Variants in GRM8 observed in about 807,000 individuals in gnomAD.
GRM8 encodes metabotropic glutamate receptor 8.
GRM8 carries 47 observed loss-of-function variants against 87.2 expected under a neutral mutation model. That is an observed-to-expected ratio of 0.54 (90% CI 0.43 to 0.69). The LOEUF is 0.69. Among genes scored for constraint, GRM8 ranks in the 30% least tolerant of loss-of-function variants. The pLI is 0.00. For synonymous variants in GRM8, 396 were observed against 404.5 expected (o/e 0.98, Z 0.25); for missense variants, 1,019 against 1,139.2 (o/e 0.89, Z 1.52).
At chr7:127,209,125 G>T (rs946137623) in intron 2 of GRM8, among the ~76,000 whole-genome samples, 2 of 152,136 alleles carry the variant, frequency 1.3e-5, no homozygotes, top group Admixed American at 6.6e-5. Flanking sequence ...TATAGTTCAG[G>T]TTTCTCCCTT....
intron 3 of GRM8, among the ~76,000 whole-genome samples, chr7:126,934,581 A>T (rs1806096557): frequency 6.6e-6 from 1 of 152,204 alleles, no homozygotes; most frequent in Admixed American, 6.5e-5. Flanking sequence ...ACCTGTAGTT[A>T]GGGTCAAAAG....
chr7:126,469,399 T>C (rs956832107), intron 9 of GRM8, among the ~76,000 whole-genome samples: 6 of 151,848 alleles, frequency 4.0e-5, no homozygotes, highest in East Asian at 1.9e-4. Flanking sequence ...AACCCCCATG[T>C]TGTCAAATCA....
chr7:126,956,018 A>G (rs539189348), intron 3 of GRM8, among the ~76,000 whole-genome samples: 22 of 152,278 alleles, frequency 1.4e-4, no homozygotes, highest in African/African-American at 5.3e-4. Flanking sequence ...CCCTTTGCAC[A>G]TGTATATGTG....
chr7:126,915,865 C>CA (rs1803845718), intron 3 of GRM8, among the ~76,000 whole-genome samples: 1 of 152,128 alleles, frequency 6.6e-6, no homozygotes, highest in East Asian at 1.9e-4. Context: ...GGATGAGGAA[C>CA]AATTGGAGAA....
At chr7:126,788,521 T>A (rs1033966159) in intron 6 of GRM8, among the ~76,000 whole-genome samples, 3 of 151,898 alleles carry the variant, frequency 2.0e-5, no homozygotes, top group Non-Finnish European at 4.4e-5. Context: ...TTCTTTATAT[T>A]TTCTTTTTTT....
intron 8 of GRM8, among the ~76,000 whole-genome samples, chr7:126,545,658 G>A (rs1817064946): frequency 6.6e-6 from 1 of 151,996 alleles, no homozygotes; most frequent in Non-Finnish European, 1.5e-5. Flanking sequence ...TGACTTAAAT[G>A]TTATACATAA....
intron 2 of GRM8, among the ~76,000 whole-genome samples, chr7:127,137,936 G>A (rs1450898387): frequency 6.6e-6 from 1 of 152,124 alleles, no homozygotes; most frequent in Non-Finnish European, 1.5e-5. Flanking sequence ...TGTACTAATT[G>A]CTTAAGCTCC....
chr7:127,151,138 G>C (rs1047193819), intron 2 of GRM8, among the ~76,000 whole-genome samples: 1 of 152,002 alleles, frequency 6.6e-6, no homozygotes, highest in African/African-American at 2.4e-5. Context: ...TAGGAGGTCA[G>C]GCCTCCTTAG....
intron 9 of GRM8, among the ~76,000 whole-genome samples, chr7:126,503,988 A>G (rs996061470): frequency 6.6e-6 from 1 of 152,034 alleles, no homozygotes; most frequent in African/African-American, 2.4e-5. Context: ...AAAACAAACA[A>G]AAAATAACTT....
At chr7:127,064,662 T>C (rs1820932421) in intron 3 of GRM8, among the ~76,000 whole-genome samples, 1 of 152,134 alleles carries the variant, frequency 6.6e-6, no homozygotes. Context: ...TATAAGGAAC[T>C]TAAACAAATT....
chr7:126,658,913 G>A (rs970944697), intron 7 of GRM8, among the ~76,000 whole-genome samples: 3 of 152,068 alleles, frequency 2.0e-5, no homozygotes, highest in African/African-American at 7.2e-5. Context: ...GGAGGATGCC[G>A]TAAAGAGTCA....
chr7:126,477,526 T>C (rs1324826184), intron 9 of GRM8, among the ~76,000 whole-genome samples: 4 of 146,374 alleles, frequency 2.7e-5, no homozygotes, highest in Non-Finnish European at 4.5e-5. Flanking sequence ...TTGTCAATTA[T>C]GTCTCAATAA....
rs189687541 is a variant in GRM8 at position 126,744,033 on chromosome 7, A to T, written c.1357+25832T>A. On this transcript the variant is annotated intron_variant, in intron 7 of 10. Transcript: ENST00000339582. The stretch of plus-strand genomic sequence containing the variant: ...GCTACACACTTGCAATGGAAAAAAT[A>T]AAAAATTGCTAGTTTCACTTAAGAA... Among the ~76,000 whole-genome samples, 433 of 152,214 alleles carry T rather than the reference A, an allele frequency of 2.8e-3. 3 individuals are homozygous for T. Among genetic ancestry groups the T allele is most frequent in the African/African-American group, 9.8e-3 (407 of 41,574 alleles).
At chr7:127,011,924 C>T (rs948719689) in intron 3 of GRM8, among the ~76,000 whole-genome samples, 3 of 152,124 alleles carry the variant, frequency 2.0e-5, no homozygotes, top group Non-Finnish European at 2.9e-5. Flanking sequence ...CACCAAAAAA[C>T]TTGAGCTGGC....
intron 3 of GRM8, among the ~76,000 whole-genome samples, chr7:126,927,391 C>T (rs1281042238): frequency 6.6e-6 from 1 of 152,134 alleles, no homozygotes; most frequent in Non-Finnish European, 1.5e-5. Flanking sequence ...CCCTATTCAG[C>T]CTCCAAAAGT....
At chr7:126,641,757 T>C (rs1362068657) in intron 7 of GRM8, among the ~76,000 whole-genome samples, 1 of 152,128 alleles carries the variant, frequency 6.6e-6, no homozygotes, top group African/African-American at 2.4e-5. Flanking sequence ...CACTACATGA[T>C]CTTGCAGCAG....
At chr7:126,976,920 T>A (rs1301769146) in intron 3 of GRM8, among the ~76,000 whole-genome samples, 1 of 151,228 alleles carries the variant, frequency 6.6e-6, no homozygotes, top group African/African-American at 2.4e-5. Flanking sequence ...TTTTTACAGA[T>A]TTTACCTTGA....
intron 9 of GRM8, among the ~76,000 whole-genome samples, chr7:126,502,885 G>A (rs1340990982): frequency 6.6e-6 from 1 of 151,972 alleles, no homozygotes. Context: ...GTTTCTATGG[G>A]AACAGTCCTG....
At chr7:127,228,615 A>G (rs1041361618) in intron 2 of GRM8, 1 of 152,238 alleles carries the variant, frequency 6.6e-6, no homozygotes, top group African/African-American at 2.4e-5. Context: ...TTCCAATTCT[A>G]AGGTTTCATG....
Sources: gnomAD v4.1 joint callset for allele counts (sites outside exome capture counted in the v4.1 genomes callset) on GRCh38, gnomAD v4.1.1 for gene constraint, MANE v1.5 for transcripts, NCBI Gene and HGNC (gene_info 2026-07-23, HGNC 2026-07-21) for gene names.